The following EYA2 variants were observed in gnomAD, a reference collection of about 807,000 sequenced individuals.
EYA2 encodes protein phosphatase EYA2.
A neutral mutation model predicts 69.2 loss-of-function variants in EYA2; 31 were observed. The observed-to-expected ratio is 0.45, with a 90% CI of 0.34 to 0.60. EYA2 has a LOEUF of 0.60. EYA2 is among the 20% of genes least tolerant of loss of function. EYA2 has a pLI of 0.02. For synonymous variants in EYA2, 257 were observed against 279.4 expected (o/e 0.92, Z 0.80); for missense variants, 622 against 701.2 (o/e 0.89, Z 1.28).
intron 7 of EYA2, among the ~76,000 whole-genome samples, chr20:47,079,490 C>T (rs1020481996): frequency 6.6e-6 from 1 of 152,176 alleles, no homozygotes; most frequent in African/African-American, 2.4e-5. Context: ...CTAACTCCTG[C>T]CCCCGACCCC....
chr20:47,171,398 G>A (rs1192427269), intron 11 of EYA2, among the ~76,000 whole-genome samples: 1 of 151,816 alleles, frequency 6.6e-6, no homozygotes, highest in East Asian at 1.9e-4. Flanking sequence ...TTTTTGTTTT[G>A]TTTTGTTTTG....
intron 10 of EYA2, among the ~76,000 whole-genome samples, chr20:47,168,180 CTTTTGTTT>C (rs372709241): frequency 2.2e-5 from 3 of 135,928 alleles, no homozygotes; most frequent in East Asian, 2.1e-4. Context: ...ACCCCGTAGT[CTTTTGTTT>C]TTTTGTTTTT....
intron 9 of EYA2, among the ~76,000 whole-genome samples, chr20:47,131,352 A>G (rs993180069): frequency 8.5e-5 from 13 of 152,198 alleles, no homozygotes; most frequent in Non-Finnish European, 1.9e-4. Flanking sequence ...TTTCCAAACC[A>G]CTGTCTAGGC....
intron 9 of EYA2, among the ~76,000 whole-genome samples, chr20:47,126,696 A>G (rs2033199769): frequency 6.6e-6 from 1 of 152,174 alleles, no homozygotes; most frequent in African/African-American, 2.4e-5. Context: ...CTAAGGACCA[A>G]GCTTTTTCAT....
At chr20:47,030,237 C>T (rs796948095) in intron 5 of EYA2, among the ~76,000 whole-genome samples, 19 of 152,358 alleles carry the variant, frequency 1.2e-4, no homozygotes, top group African/African-American at 4.6e-4. Context: ...GGACTCTCCA[C>T]ACATTGCAGA....
intron 9 of EYA2, among the ~76,000 whole-genome samples, chr20:47,132,910 C>T (rs1031498301): frequency 6.6e-6 from 1 of 152,184 alleles, no homozygotes; most frequent in Non-Finnish European, 1.5e-5. Context: ...TGCTTCCTGG[C>T]AAAGCTCGAC....
intron 4 of EYA2, among the ~76,000 whole-genome samples, chr20:47,015,326 C>T (rs1386364028): frequency 6.6e-6 from 1 of 152,172 alleles, no homozygotes; most frequent in East Asian, 1.9e-4. Context: ...CCTTTCTCAG[C>T]CAGTTGTTCA....
intron 10 of EYA2, among the ~76,000 whole-genome samples, chr20:47,152,018 T>C (rs567190278): frequency 6.6e-6 from 1 of 152,160 alleles, no homozygotes. Flanking sequence ...TAGGTTAACG[T>C]CGTCCATACA....
chr20:47,085,463 T>C (rs1343093898), intron 7 of EYA2, among the ~76,000 whole-genome samples: 2 of 151,828 alleles, frequency 1.3e-5, no homozygotes, highest in African/African-American at 4.8e-5. Context: ...CTGGCCAACA[T>C]GGTAAAATCC....
intron 9 of EYA2, among the ~76,000 whole-genome samples, chr20:47,142,709 C>G (rs1008204456): frequency 9.9e-5 from 15 of 152,222 alleles, no homozygotes; most frequent in Non-Finnish European, 2.1e-4. Context: ...TTGGGGGCAA[C>G]CCCTGAAAAC....
intron 5 of EYA2, among the ~76,000 whole-genome samples, chr20:47,024,221 T>C (rs1177334512): frequency 2.0e-5 from 3 of 152,248 alleles, no homozygotes; most frequent in Non-Finnish European, 4.4e-5. Context: ...TGAGCTTTGT[T>C]CTGGGATGCA....
intron 7 of EYA2, among the ~76,000 whole-genome samples, chr20:47,075,405 A>G (rs1267386587): frequency 6.6e-6 from 1 of 152,206 alleles, no homozygotes; most frequent in African/African-American, 2.4e-5. Context: ...AAGAACAATG[A>G]AGATGAGAGT....
chr20:46,912,376 C>T lies in EYA2; in HGVS notation c.-11+17389C>T, dbSNP rs183509703. On this transcript the variant is annotated intron_variant, in intron 1 of 15. Coordinates refer to ENST00000327619, the MANE Select transcript of EYA2 (RefSeq NM_005244.5). Reference sequence around the variant, plus strand: ...TGGCCTTCCCCTAGTGTTACAAATCCTGTCGAGTGTCTGAAATACCATCCA... The same window carrying T: ...TGGCCTTCCCCTAGTGTTACAAATCTTGTCGAGTGTCTGAAATACCATCCA... Among the ~76,000 whole-genome samples the T allele has an allele frequency of 9.2e-5, 14 of 152,266 alleles. No individual in the cohort carries two copies. In the East Asian group the frequency reaches 2.7e-3, roughly 29 times the overall value.
At chr20:47,025,751 C>G (rs1385305735) in intron 5 of EYA2, among the ~76,000 whole-genome samples, 2 of 152,216 alleles carry the variant, frequency 1.3e-5, no homozygotes, top group Non-Finnish European at 2.9e-5. Flanking sequence ...AAGTTACCCT[C>G]CATAGGGATT....
At chr20:47,119,124 C>T (rs546761865) in intron 9 of EYA2, among the ~76,000 whole-genome samples, 1 of 152,312 alleles carries the variant, frequency 6.6e-6, no homozygotes, top group South Asian at 2.1e-4. Context: ...AAGCCGTCTC[C>T]CCTCCAACTA....
At chr20:47,129,354 G>A (rs1388999494) in intron 9 of EYA2, among the ~76,000 whole-genome samples, 1 of 152,174 alleles carries the variant, frequency 6.6e-6, no homozygotes, top group African/African-American at 2.4e-5. Context: ...ATTTCATAGG[G>A]AATGGTCAGA....
chr20:47,142,073 G>A (rs960858890), intron 9 of EYA2, among the ~76,000 whole-genome samples: 14 of 152,146 alleles, frequency 9.2e-5, no homozygotes, highest in Non-Finnish European at 1.8e-4. Flanking sequence ...CGGCTGGATG[G>A]TAAATATTTT....
intron 2 of EYA2, among the ~76,000 whole-genome samples, chr20:46,996,149 G>A (rs886232450): frequency 1.3e-5 from 2 of 152,334 alleles, no homozygotes; most frequent in African/African-American, 4.8e-5. Context: ...AACATGGTGT[G>A]TATCCTCGGG....
chr20:47,155,422 G>T (rs1040777739), intron 10 of EYA2, among the ~76,000 whole-genome samples: 1 of 152,006 alleles, frequency 6.6e-6, no homozygotes, highest in Admixed American at 6.5e-5. Context: ...GCACAATCCC[G>T]ATGGGAGCTA....
Sources: allele counts gnomAD v4.1 joint callset (sites outside exome capture counted in the v4.1 genomes callset), GRCh38; gene constraint gnomAD v4.1.1; transcripts MANE v1.5; gene names NCBI Gene and HGNC (gene_info 2026-07-23, HGNC 2026-07-21).